Variants in TGDS observed in about 807,000 individuals in gnomAD.
The protein encoded by TGDS is TDP-glucose 4,6-dehydratase, also known as UDP-D-glucose 4,6-dehydratase.
In TGDS, 47 loss-of-function variants were observed where a neutral mutation model predicts 52.3. The observed-to-expected ratio is 0.90, with a 90% CI of 0.71 to 1.15. The LOEUF is 1.15. TGDS is among the 50% of genes most tolerant of loss of function. The pLI is 0.00. For synonymous variants in TGDS, 115 were observed against 136.9 expected, an observed-to-expected ratio of 0.84 and a Z score of 1.12; for missense variants, 375 against 418.4, an observed-to-expected ratio of 0.90 and a Z score of 0.90.
At chr13:94,577,304 T>C in intron 10 of TGDS, 67 bp downstream of exon 10, 2 of 1,254,728 alleles carry the variant, frequency 1.6e-6, no homozygotes, top group Admixed American at 2.6e-5. Flanking sequence ...CAAGTCCACA[T>C]ATTTTATAAT....
chr13:94,587,660 A>G (rs1424241062), intron 4 of TGDS, among the ~76,000 whole-genome samples: 1 of 152,242 alleles, frequency 6.6e-6, no homozygotes, highest in Non-Finnish European at 1.5e-5. Context: ...GAAAAGAATT[A>G]TAAGACAACA....
At position 94,581,187 on chromosome 13, in the gene TGDS, T is replaced by A; in HGVS notation, c.459A>T (p.Glu153Asp). ...GTTGTTTGGGTGAAGATTCATCAAATTCCTATTTTTAAAAATATATATTTA... is the reference window on the plus strand; with the variant it reads ...GTTGTTTGGGTGAAGATTCATCAAAATCCTATTTTTAAAAATATATATTTA... ...DEVYGGSLDK[E>D]FDESSPKQPT... Residue 153 changes from glutamate to aspartate, a missense_variant and splice_region_variant, in exon 6 of 12, where the codon GAA becomes GAT. Coordinates refer to ENST00000261296, the MANE Select transcript of TGDS (RefSeq NM_014305.4). 1 of 1,557,828 alleles carries A rather than the reference T, an allele frequency of 6.4e-7. No individual in the cohort carries two copies. Among genetic ancestry groups the A allele is most frequent in the Non-Finnish European group, 8.7e-7 (1 of 1,148,556 alleles).
intron 4 of TGDS, among the ~76,000 whole-genome samples, chr13:94,587,684 G>C (rs1264120299): frequency 6.6e-6 from 1 of 152,012 alleles, no homozygotes; most frequent in African/African-American, 2.4e-5. Context: ...CCATGACCTT[G>C]GAGGTGGGAA....
intron 1 of TGDS, among the ~76,000 whole-genome samples, chr13:94,594,440 A>G (rs988024411): frequency 5.3e-5 from 8 of 152,210 alleles, no homozygotes; most frequent in Admixed American, 3.9e-4. Flanking sequence ...CAGGATTCCC[A>G]GGCTAATAAC....
intron 4 of TGDS, among the ~76,000 whole-genome samples, chr13:94,588,861 A>G (rs1889094142): frequency 6.6e-6 from 1 of 152,190 alleles, no homozygotes; most frequent in Admixed American, 6.5e-5. Context: ...CAGAGATACA[A>G]AAATAAACTT....
intron 4 of TGDS, among the ~76,000 whole-genome samples, chr13:94,587,931 A>C (rs1333583392): frequency 1.0e-4 from 15 of 147,946 alleles, no homozygotes; most frequent in Non-Finnish European, 2.2e-4. Context: ...CAGGAGGCAG[A>C]GCTTGCAGTG....
rs140589210 is a variant in TGDS, at chr13:94,578,010, G to T, written c.820C>A (p.Gln274Lys). 5 of 1,613,516 alleles carry T rather than the reference G, an allele frequency of 3.1e-6. No individual in the cohort carries two copies. The highest frequency in any genetic ancestry group is 3.3e-5 in the Admixed American group (2 of 60,004). Residue 274 changes from glutamine (Q) to lysine (K), a missense_variant, in exon 9 of 12, where the codon CAA becomes AAA. Transcript: ENST00000261296. The stretch of plus-strand genomic sequence containing the variant: ...CTTTTAAAACAGATACATACCAGTT[G>T]TATTAGTTCTTTGGCAAGCTGGACA... ...SVVQLAKELI[Q>K]LIKETNSESE...
intron 2 of TGDS, among the ~76,000 whole-genome samples, chr13:94,592,696 C>T (rs1372176698): frequency 3.9e-5 from 6 of 152,098 alleles, no homozygotes; most frequent in African/African-American, 7.2e-5. Flanking sequence ...CCTTGTGATC[C>T]GCCTGCCTCA....
chr13:94,582,518 G>T (rs986587548), intron 5 of TGDS, among the ~76,000 whole-genome samples: 1 of 152,232 alleles, frequency 6.6e-6, no homozygotes, highest in Non-Finnish European at 1.5e-5. Flanking sequence ...CTGAACAGAG[G>T]AGACAATAGA....
chr13:94,577,370 C>T lies in TGDS; in HGVS notation c.884+1G>A. ...CCCCAAGGTTTTAACTTGTTACTCA[C>T]CTATCATTAACATAATCAACCCAAT... On this transcript the variant is annotated splice_donor_variant, in intron 10 of 11. Coordinates refer to ENST00000261296, the MANE Select transcript of TGDS (RefSeq NM_014305.4). LOFTEE classifies it high-confidence loss of function. 1 of 1,570,926 alleles carries T rather than the reference C, an allele frequency of 6.4e-7. No individual in the cohort carries two copies. The highest frequency in any genetic ancestry group is 8.6e-7 in the Non-Finnish European group (1 of 1,163,160).
intron 3 of TGDS, 93 bp downstream of exon 3, chr13:94,592,148 A>C (rs142540614): frequency 4.6e-5 from 42 of 909,706 alleles, no homozygotes; most frequent in Non-Finnish European, 6.6e-5. Flanking sequence ...TGTTCTTTTC[A>C]AGCCCACATT....
chr13:94,596,126 G>A lies in TGDS; in HGVS notation c.11C>T (p.Ala4Val), dbSNP rs755749986. 21 of 1,614,096 alleles carry A rather than the reference G, an allele frequency of 1.3e-5. No homozygotes were observed. The South Asian group carries it at 1.6e-4, about 13-fold the overall frequency. MSA[A>V]CWEEPWGLPG... ...AAGACCCCACGGTTCCTCCCAACAC[G>A]CCGCCGACATCTCCCAGCTCAGCAG... Residue 4 changes from alanine to valine, a missense_variant, in exon 1 of 12, where the codon GCG becomes GTG. Physicochemically the swap from Ala to Val is moderately conservative, Grantham distance 64. Transcript: ENST00000261296.
intron 2 of TGDS, among the ~76,000 whole-genome samples, chr13:94,593,622 C>T (rs1299125693): frequency 6.6e-6 from 1 of 151,820 alleles, no homozygotes; most frequent in African/African-American, 2.4e-5. Flanking sequence ...CAAAATAAAA[C>T]AAAAACTTTA....
intron 4 of TGDS, 124 bp from the exon 5 acceptor site, chr13:94,583,360 TATA>T (rs1415039117): frequency 2.9e-5 from 28 of 961,462 alleles, no homozygotes; most frequent in Non-Finnish European, 3.9e-5. Context: ...CTGCAAGAGT[TATA>T]ATAATAACAT....
chr13:94,591,826 TAA>T (rs1566965459), intron 3 of TGDS, among the ~76,000 whole-genome samples: 1 of 152,328 alleles, frequency 6.6e-6, no homozygotes, highest in South Asian at 2.1e-4. Context: ...AGAATAACTT[TAA>T]AAAATACATA....
intron 10 of TGDS, among the ~76,000 whole-genome samples, chr13:94,576,988 C>A (rs1410159761): frequency 6.6e-6 from 1 of 151,854 alleles, no homozygotes; most frequent in Non-Finnish European, 1.5e-5. Flanking sequence ...GTAGTCCCAG[C>A]TACTCGGGAG....
intron 7 of TGDS, among the ~76,000 whole-genome samples, chr13:94,579,006 T>C (rs1286787793): frequency 1.3e-5 from 2 of 152,152 alleles, no homozygotes; most frequent in Non-Finnish European, 2.9e-5. Context: ...AGGGGAAAAA[T>C]GCAGAAAAAG....
In TGDS at chr13:94,592,292, G is replaced by C. The variant is rs1889228051; in HGVS notation, c.171C>G (p.Ser57Arg). The C allele has an allele frequency of 6.2e-7, 1 of 1,609,820 alleles. No homozygotes were observed. The highest frequency in any genetic ancestry group is 1.3e-5 in the African/African-American group (1 of 74,682). ...TAGAAATGGTTTCAAGATTCTTCAA[G>C]CTTGCACAGTAATCCAGCTTGAAAG... Reference protein sequence around the residue: ...INLDKLDYCASLKNLETISNK... With the variant: ...INLDKLDYCARLKNLETISNK... Residue 57 changes from serine to arginine, a missense_variant, in exon 3 of 12, where the codon AGC (serine) becomes AGG (arginine). Ser to Arg is a moderately radical substitution (Grantham distance 110). Transcript: ENST00000261296.
chr13:94,580,633 A>G (rs1406848296), intron 6 of TGDS, among the ~76,000 whole-genome samples: 1 of 151,996 alleles, frequency 6.6e-6, no homozygotes, highest in Admixed American at 6.6e-5. Context: ...CACTCATAGG[A>G]CTCCAACCTC....
Sources: gnomAD v4.1 joint callset for allele counts (sites outside exome capture counted in the v4.1 genomes callset) on GRCh38, gnomAD v4.1.1 for gene constraint, MANE v1.5 for transcripts, NCBI Gene and HGNC (gene_info 2026-07-23, HGNC 2026-07-21) for gene names.